Variants in UGT2B7 observed in about 807,000 individuals in gnomAD.
UGT2B7 encodes UDP glucuronosyltransferase family 2 member B7.
A neutral mutation model predicts 51.9 loss-of-function variants in UGT2B7; 51 were observed. The observed-to-expected ratio is 0.98, with a 90% CI of 0.78 to 1.24. UGT2B7 has a LOEUF of 1.24. Ranked by LOEUF, UGT2B7 falls within the 50% of genes most tolerant of loss-of-function variation. The pLI, the probability that UGT2B7 is intolerant of heterozygous loss-of-function variation, is 0.00. For missense variants in UGT2B7, 727 were observed against 628.4 expected, an observed-to-expected ratio of 1.16 and a Z score of -1.68; for synonymous variants, 225 against 211.6, an observed-to-expected ratio of 1.06 and a Z score of -0.55.
In UGT2B7 at chr4:69,096,827, G is replaced by T; in HGVS notation, c.307G>T (p.Asp103Tyr). ...QIKRWSDLPK[D>Y]TFWLYFSQVQ... is the part of the protein sequence containing the mutation. ...TAAGAGATGGTCAGACCTTCCAAAAGATACATTTTGGTTATATTTTTCACA... is the reference window on the plus strand; with the variant it reads ...TAAGAGATGGTCAGACCTTCCAAAATATACATTTTGGTTATATTTTTCACA... The change falls in exon 1 of 6, where the codon GAT (aspartate) becomes TAT (tyrosine). Residue 103 changes from aspartate (D) to tyrosine (Y), a missense_variant. By Grantham distance (160) the Asp-to-Tyr change is radical. Transcript: ENST00000305231. The T allele has an allele frequency of 6.2e-7, 1 of 1,613,756 alleles. No homozygotes were observed. The highest frequency in any genetic ancestry group is 8.5e-7 in the Non-Finnish European group (1 of 1,179,850).
intron 2 of UGT2B7, among the ~76,000 whole-genome samples, chr4:69,099,270 A>G (rs1456386562): frequency 6.6e-6 from 1 of 151,310 alleles, no homozygotes; most frequent in Non-Finnish European, 1.5e-5. Flanking sequence ...AAAAAAAAAA[A>G]AAAAAAAAGA....
At chr4:69,051,417 T>A (rs1481683252) in exon 1 of UGT2B7, 2 of 152,230 alleles carry the variant, frequency 1.3e-5, no homozygotes, top group Non-Finnish European at 2.9e-5. Context: ...GCCTGCCTTG[T>A]GGAGTGCCCC....
intron 1 of UGT2B7, among the ~76,000 whole-genome samples, chr4:69,064,112 A>AAGAAAGAGAGAGAGAGAAAGAAAG (rs754723956): frequency 3.5e-5 from 3 of 86,800 alleles, no homozygotes; most frequent in African/African-American, 6.1e-5. Flanking sequence ...GAAAGAAAGA[A>AAGAAAGAGAGAGAGAGAAAGAAAG]AAAGAAAGAA....
chr4:69,111,908 A>C (rs1283389972), intron 5 of UGT2B7, among the ~76,000 whole-genome samples: 1 of 152,234 alleles, frequency 6.6e-6, no homozygotes, highest in Non-Finnish European at 1.5e-5. Context: ...ATTTTGAATT[A>C]TTTGGCCCTT....
intron 1 of UGT2B7, among the ~76,000 whole-genome samples, chr4:69,072,485 T>C (rs1718621538): frequency 6.6e-6 from 1 of 152,208 alleles, no homozygotes; most frequent in Non-Finnish European, 1.5e-5. Flanking sequence ...GCTTTATGTA[T>C]AAGTTTTCTG....
chr4:69,052,366 T>A (rs59732068), intron 1 of UGT2B7, among the ~76,000 whole-genome samples: 21,733 of 151,966 alleles, frequency 0.14, 1,820 homozygotes, highest in Admixed American at 0.25. Flanking sequence ...ATACCAATTC[T>A]AAGTTAATTT....
chr4:69,085,012 A>C (rs1387285017), intron 1 of UGT2B7, among the ~76,000 whole-genome samples: 10 of 152,128 alleles, frequency 6.6e-5, no homozygotes, highest in Admixed American at 6.6e-4. Context: ...ATCAAATGGT[A>C]TTTATAGTTC....
At chr4:69,063,604 G>A (rs1718406763) in intron 1 of UGT2B7, among the ~76,000 whole-genome samples, 1 of 152,120 alleles carries the variant, frequency 6.6e-6, no homozygotes, top group Non-Finnish European at 1.5e-5. Context: ...GGAAAGTTGA[G>A]CCTGATGAAT....
chr4:69,066,101 T>G (rs192711000), intron 1 of UGT2B7, among the ~76,000 whole-genome samples: 33 of 152,318 alleles, frequency 2.2e-4, no homozygotes, highest in African/African-American at 7.7e-4. Context: ...GACTAGGTGA[T>G]CTCAATGTTT....
chr4:69,100,516 T>C (rs1719387041), intron 2 of UGT2B7, among the ~76,000 whole-genome samples: 3 of 152,066 alleles, frequency 2.0e-5, no homozygotes, highest in Non-Finnish European at 4.4e-5. Flanking sequence ...GAATGAAAAT[T>C]GTATGGGCTT....
At chr4:69,068,382 GA>G (rs1718526062) in intron 1 of UGT2B7, among the ~76,000 whole-genome samples, 1 of 151,838 alleles carries the variant, frequency 6.6e-6, no homozygotes, top group Non-Finnish European at 1.5e-5. Context: ...TTATTTTGAA[GA>G]ATTATAAAAT....
At chr4:69,105,246 A>G (rs3924192) in intron 3 of UGT2B7, among the ~76,000 whole-genome samples, 90,062 of 152,040 alleles carry the variant, frequency 0.59, 28,051 homozygotes, top group African/African-American at 0.77. Context: ...AACTTCAGAT[A>G]CCCCCTCTAT....
Position 69,083,969 on chromosome 4 carries a change from A to G in UGT2B7, c.-158-5503A>G, listed in dbSNP as rs1000012891. 2.0e-5 allele frequency among the ~76,000 whole-genome samples: 3 copies of G among 152,104 alleles called. No individual in the cohort carries two copies. The East Asian group carries it at 5.8e-4, about 29-fold the overall frequency. On this transcript the variant is annotated intron_variant, in intron 1 of 5. Coordinates refer to the UGT2B7 transcript ENST00000502942. ...TTGTCTTGTTCCAGATCTTAGAGAC[A>G]AAGCTTTCCAACTTTCCTTTTTTAC... is the stretch of plus-strand genomic sequence containing the variant.
chr4:69,053,981 A>G (rs1292927533), intron 1 of UGT2B7, among the ~76,000 whole-genome samples: 1 of 152,168 alleles, frequency 6.6e-6, no homozygotes, highest in African/African-American at 2.4e-5. Flanking sequence ...TCTCATATCT[A>G]TTTAGATGCA....
In UGT2B7 at chr4:69,077,087, T is replaced by C. The variant is rs907317143; in HGVS notation, c.-158-12385T>C. ...GTCAGTTTTGTCAAAGATCAGGTGGTTGTATATGTGTGGTGTTATTTCTGA... is the reference window on the plus strand; with the variant it reads ...GTCAGTTTTGTCAAAGATCAGGTGGCTGTATATGTGTGGTGTTATTTCTGA... On this transcript the variant is annotated intron_variant, in intron 1 of 5. Coordinates refer to the UGT2B7 transcript ENST00000502942. 3.3e-5 allele frequency among the ~76,000 whole-genome samples: 5 copies of C among 152,138 alleles called. No homozygotes were observed. The East Asian group carries it at 5.8e-4, about 18-fold the overall frequency.
Position 69,086,865 on chromosome 4 carries a change from A to C in UGT2B7, c.-158-2607A>C, listed in dbSNP as rs1324159590. 1.3e-5 allele frequency among the ~76,000 whole-genome samples: 2 copies of C among 151,912 alleles called. 1 individual carries two copies. The highest frequency in any genetic ancestry group is 2.9e-5 in the Non-Finnish European group (2 of 67,858). Reference sequence around the variant, plus strand: ...TAGTCTGTGTACACCTTCATAGGTGAAGTGAGTTTCCTGTGGCAACAATAC... The same window carrying C: ...TAGTCTGTGTACACCTTCATAGGTGCAGTGAGTTTCCTGTGGCAACAATAC... On this transcript the variant is annotated intron_variant, in intron 1 of 5. Transcript: ENST00000502942.
At chr4:69,057,239 G>C (rs1289772406) in intron 1 of UGT2B7, among the ~76,000 whole-genome samples, 1 of 152,194 alleles carries the variant, frequency 6.6e-6, no homozygotes, top group African/African-American at 2.4e-5. Flanking sequence ...GGGGAGCTCA[G>C]ATTTTAAGGC....
At chr4:69,102,194 A>T (rs948887303) in intron 2 of UGT2B7, among the ~76,000 whole-genome samples, 4 of 151,920 alleles carry the variant, frequency 2.6e-5, no homozygotes, top group East Asian at 3.9e-4. Context: ...TATTTATTTT[A>T]TTTTTTTTAG....
At chr4:69,058,678 T>C (rs1346369205) in intron 1 of UGT2B7, among the ~76,000 whole-genome samples, 1 of 152,104 alleles carries the variant, frequency 6.6e-6, no homozygotes, top group Admixed American at 6.5e-5. Flanking sequence ...CAGGCAAAAA[T>C]TGCAGAAAAT....
Sources: allele counts gnomAD v4.1 joint callset (sites outside exome capture counted in the v4.1 genomes callset), GRCh38; gene constraint gnomAD v4.1.1; transcripts MANE v1.5; gene names NCBI Gene and HGNC (gene_info 2026-07-23, HGNC 2026-07-21).